The following FGF13 variants were observed in gnomAD, a reference collection of about 807,000 sequenced individuals.
The protein encoded by FGF13 is fibroblast growth factor 13, also known as fibroblast growth factor homologous factor 2.
In FGF13, 2 loss-of-function variants were observed where a neutral mutation model predicts 19.5. That is an observed-to-expected ratio of 0.10 (90% CI 0.04 to 0.32). The LOEUF (loss-of-function observed/expected upper bound fraction) is 0.32, where lower values mean the gene tolerates loss of function less well. Ranked by LOEUF, FGF13 falls within the 10% of genes least tolerant of loss-of-function variation. The pLI is 1.00. For missense variants in FGF13, 113 were observed against 192.7 expected, an observed-to-expected ratio of 0.59 and a Z score of 2.45; for synonymous variants, 72 against 76.9, an observed-to-expected ratio of 0.94 and a Z score of 0.33.
chrX:138,640,267 T>C (rs895458744), intron 3 of FGF13, among the ~76,000 whole-genome samples: 10 of 111,858 alleles, frequency 8.9e-5, no homozygotes, highest in Non-Finnish European at 1.7e-4. Context: ...TCAGCTGCCC[T>C]TCTCAGGGCA....
chrX:138,633,911 A>AGTG (rs2089151635), intron 4 of FGF13, among the ~76,000 whole-genome samples: 1 of 111,647 alleles, frequency 9.0e-6, no homozygotes, highest in South Asian at 3.7e-4. Context: ...CGAATTGCAC[A>AGTG]GTGTCTGCCT....
At chrX:138,906,160 A>G (rs1038585865) in intron 1 of FGF13, among the ~76,000 whole-genome samples, 21 of 111,837 alleles carry the variant, frequency 1.9e-4, no homozygotes, top group East Asian at 1.1e-3. Flanking sequence ...CCCTGGCTGT[A>G]TTATTTATTC....
intron 3 of FGF13, among the ~76,000 whole-genome samples, chrX:138,776,096 A>ACATG (rs2090585606): frequency 8.9e-6 from 1 of 112,072 alleles, no homozygotes; most frequent in African/African-American, 3.2e-5. Context: ...AGATGCTCCA[A>ACATG]CTGCATCTTG....
intron 1 of FGF13, among the ~76,000 whole-genome samples, chrX:139,098,106 T>G (rs2083482569): frequency 9.0e-6 from 1 of 111,573 alleles, no homozygotes; most frequent in Non-Finnish European, 1.9e-5. Flanking sequence ...ATGAGTGTTA[T>G]GCTCTACTAT....
chrX:138,709,561 G>A (rs931584981), intron 1 of FGF13, among the ~76,000 whole-genome samples: 2 of 111,779 alleles, frequency 1.8e-5, no homozygotes, highest in Non-Finnish European at 3.8e-5. Context: ...GAAAAGAGCA[G>A]GGTTTTTGTT....
intron 1 of FGF13, among the ~76,000 whole-genome samples, chrX:139,132,030 TCTC>T (rs2083766151): frequency 8.9e-6 from 1 of 112,283 alleles, no homozygotes; most frequent in Admixed American, 9.5e-5. Flanking sequence ...CATCATCTGA[TCTC>T]CTGTCTCAGT....
intron 1 of FGF13, among the ~76,000 whole-genome samples, chrX:138,928,085 A>G (rs1418511262): frequency 9.0e-6 from 1 of 111,445 alleles, no homozygotes; most frequent in East Asian, 2.8e-4. Context: ...AAATGGATAC[A>G]AAACTGTATG....
intron 1 of FGF13, among the ~76,000 whole-genome samples, chrX:139,179,465 A>AC: frequency 9.1e-6 from 1 of 109,831 alleles, no homozygotes; most frequent in South Asian, 4.0e-4. Flanking sequence ...AAAAAAAAAA[A>AC]ACATGCAGAG....
At chrX:138,943,915 G>A (rs1474246889) in intron 1 of FGF13, among the ~76,000 whole-genome samples, 1 of 111,753 alleles carries the variant, frequency 8.9e-6, no homozygotes, top group East Asian at 2.8e-4. Flanking sequence ...TCATGAAAAG[G>A]AAAGCAAAGG....
At chrX:139,014,164 A>C (rs943911747) in intron 1 of FGF13, among the ~76,000 whole-genome samples, 8 of 111,589 alleles carry the variant, frequency 7.2e-5, no homozygotes, top group Non-Finnish European at 1.3e-4. Context: ...AGAAATAAAA[A>C]ACTTAAAATA....
chrX:138,784,239 G>A (rs768495825), intron 3 of FGF13, among the ~76,000 whole-genome samples: 1,653 of 98,955 alleles, frequency 0.017, 51 homozygotes, highest in African/African-American at 0.058. Flanking sequence ...TGGGTGCAGC[G>A]CACCAGCATG....
At chrX:138,935,294 T>A (rs1210756078) in intron 1 of FGF13, among the ~76,000 whole-genome samples, 1 of 110,849 alleles carries the variant, frequency 9.0e-6, no homozygotes, top group Non-Finnish European at 1.9e-5. Flanking sequence ...GGCCACAGTT[T>A]GGGGAAAAAA....
intron 1 of FGF13, among the ~76,000 whole-genome samples, chrX:139,195,694 C>G (rs1055032577): frequency 8.9e-6 from 1 of 112,377 alleles, no homozygotes; most frequent in African/African-American, 3.2e-5. Flanking sequence ...TTCTACAATA[C>G]AGATAAATAC....
chrX:139,025,540 G>A lies in FGF13; in HGVS notation c.-112-160890C>T, dbSNP rs961256425. 4.5e-5 allele frequency among the ~76,000 whole-genome samples: 5 copies of A among 111,553 alleles called. No homozygotes were observed. In the South Asian group the frequency reaches 1.9e-3, roughly 42 times the overall value. On this transcript the variant is annotated intron_variant, in intron 1 of 2. Transcript: ENST00000421460. ...GGTCAATCAGTTCCCTCTGTGCCCT[G>A]CCCCACATCTTTCTGTTCCTTCTGT...
At chrX:139,147,797 T>C (rs1032298566) in intron 1 of FGF13, among the ~76,000 whole-genome samples, 4 of 110,985 alleles carry the variant, frequency 3.6e-5, no homozygotes. Flanking sequence ...GGATTTAGGG[T>C]TGATCCTAAT....
chrX:139,125,497 T>G (rs1186505819), intron 1 of FGF13, among the ~76,000 whole-genome samples: 1 of 112,370 alleles, frequency 8.9e-6, no homozygotes, highest in Non-Finnish European at 1.9e-5. Context: ...ATGCAGTTCC[T>G]ATGGTTGTGA....
chrX:138,856,211 G>A (rs774563999), downstream of FGF13, among the ~76,000 whole-genome samples: 7 of 111,041 alleles, frequency 6.3e-5, no homozygotes, highest in Non-Finnish European at 1.3e-4. Flanking sequence ...CACACTCAAC[G>A]TGAATAGTTT....
chrX:139,184,635 C>CACACACAT (rs1190956786), intron 1 of FGF13, among the ~76,000 whole-genome samples: 2 of 111,432 alleles, frequency 1.8e-5, no homozygotes, highest in Non-Finnish European at 3.8e-5. Context: ...TCCCTACACA[C>CACACACAT]ACACACATAC....
intron 1 of FGF13, among the ~76,000 whole-genome samples, chrX:139,125,024 T>A (rs996857792): frequency 8.9e-6 from 1 of 111,751 alleles, no homozygotes; most frequent in Non-Finnish European, 1.9e-5. Context: ...CAAAATCACA[T>A]AATATATGTT....
Sources: gnomAD v4.1 joint callset for allele counts (sites outside exome capture counted in the v4.1 genomes callset) on GRCh38, gnomAD v4.1.1 for gene constraint, MANE v1.5 for transcripts, NCBI Gene and HGNC (gene_info 2026-07-23, HGNC 2026-07-21) for gene names.